BMPR1B: variants seen among roughly 807,000 people sequenced by gnomAD.
The protein encoded by BMPR1B is bone morphogenetic protein receptor type-1B.
In BMPR1B, 12 loss-of-function variants were observed where a neutral mutation model predicts 59.1. That is an observed-to-expected ratio of 0.20 (90% confidence interval 0.13 to 0.33). The LOEUF (loss-of-function observed/expected upper bound fraction) is 0.33, where lower values mean the gene tolerates loss of function less well. BMPR1B is among the 10% of genes least tolerant of loss of function. The probability of loss-of-function intolerance (pLI) is 1.00; values close to 1 mark genes in which losing one functional copy is unlikely to be tolerated. For synonymous variants in BMPR1B, 237 were observed against 207.3 expected (o/e 1.14, Z -1.23); for missense variants, 550 against 610.9 (o/e 0.90, Z 1.05).
At chr4:94,760,009 A>G (rs531054640) in intron 1 of BMPR1B, among the ~76,000 whole-genome samples, 1 of 152,356 alleles carries the variant, frequency 6.6e-6, no homozygotes, top group Admixed American at 6.5e-5. Flanking sequence ...AATCTGAATT[A>G]CCATTTAGAA....
chr4:95,154,462 C>G, intron 12 of BMPR1B, 86 bp from the exon 13 acceptor site: 1 of 1,575,642 alleles, frequency 6.3e-7, no homozygotes, highest in Non-Finnish European at 8.7e-7. Flanking sequence ...TATATTCAAA[C>G]TTAATGAACC....
chr4:95,048,868 G>A lies in BMPR1B; in HGVS notation c.-18+52734G>A, dbSNP rs1247970895. On this transcript the variant is annotated intron_variant, in intron 3 of 12. Transcript: ENST00000515059. The stretch of plus-strand genomic sequence containing the variant: ...GATTTTTTGAACCAAGTAGTCAGGG[G>A]CCTAATATGCCATTTATAGAAGATC... Among the ~76,000 whole-genome samples, 5 of 152,118 alleles carry A rather than the reference G, an allele frequency of 3.3e-5. No homozygotes were observed. In the East Asian group the frequency reaches 9.7e-4, roughly 29 times the overall value.
At chr4:94,822,114 G>A (rs989725079) in intron 1 of BMPR1B, among the ~76,000 whole-genome samples, 10 of 152,196 alleles carry the variant, frequency 6.6e-5, no homozygotes, top group Non-Finnish European at 1.3e-4. Context: ...TTTGGCAAGG[G>A]CCATCTTGCT....
At chr4:94,835,216 A>G (rs562186987) in intron 1 of BMPR1B, among the ~76,000 whole-genome samples, 76 of 152,044 alleles carry the variant, frequency 5.0e-4, no homozygotes, top group African/African-American at 1.8e-3. Context: ...TAATTAAAGA[A>G]CATTTTCAAA....
At chr4:94,894,229 C>T (rs897097873) in intron 2 of BMPR1B, among the ~76,000 whole-genome samples, 2 of 152,034 alleles carry the variant, frequency 1.3e-5, no homozygotes, top group African/African-American at 4.8e-5. Context: ...TTTACAAATA[C>T]ACAAATGGTA....
intron 1 of BMPR1B, among the ~76,000 whole-genome samples, chr4:94,841,281 G>A (rs1489808766): frequency 6.8e-6 from 1 of 146,810 alleles, no homozygotes; most frequent in Non-Finnish European, 1.5e-5. Flanking sequence ...TGAGCTGTGT[G>A]GGCTCCACCC....
intron 2 of BMPR1B, among the ~76,000 whole-genome samples, chr4:94,944,153 G>C (rs1252117896): frequency 6.6e-6 from 1 of 152,026 alleles, no homozygotes; most frequent in Non-Finnish European, 1.5e-5. Flanking sequence ...CCAACCCCAA[G>C]ATTTCTCATA....
chr4:95,031,314 G>C (rs1724833128), intron 3 of BMPR1B, among the ~76,000 whole-genome samples: 2 of 152,146 alleles, frequency 1.3e-5, no homozygotes, highest in Non-Finnish European at 2.9e-5. Flanking sequence ...GCACATTAGA[G>C]AGGAATGTGA....
chr4:94,831,859 T>C (rs762765163), intron 1 of BMPR1B, among the ~76,000 whole-genome samples: 3 of 152,100 alleles, frequency 2.0e-5, no homozygotes, highest in Non-Finnish European at 4.4e-5. Context: ...TCTCATAGGA[T>C]TGCGAACCCT....
intron 3 of BMPR1B, among the ~76,000 whole-genome samples, chr4:95,003,678 ATTTC>A (rs1294004891): frequency 6.6e-6 from 1 of 151,658 alleles, no homozygotes; most frequent in African/African-American, 2.4e-5. Context: ...TGGATGACTT[ATTTC>A]TATTTCCTCT....
intron 3 of BMPR1B, among the ~76,000 whole-genome samples, chr4:94,998,332 G>C (rs1233765685): frequency 1.3e-5 from 2 of 150,598 alleles, no homozygotes; most frequent in Admixed American, 6.6e-5. Flanking sequence ...CACTGCCCTA[G>C]AGTCATATTT....
intron 1 of BMPR1B, among the ~76,000 whole-genome samples, chr4:94,810,104 A>G (rs1723755978): frequency 6.6e-6 from 1 of 152,184 alleles, no homozygotes; most frequent in Non-Finnish European, 1.5e-5. Flanking sequence ...AAGGAGAGAG[A>G]ATTATGTAGG....
At chr4:94,896,149 A>G (rs1727576552) in intron 2 of BMPR1B, among the ~76,000 whole-genome samples, 1 of 152,006 alleles carries the variant, frequency 6.6e-6, no homozygotes, top group South Asian at 2.1e-4. Flanking sequence ...TACTAACTCA[A>G]AGGGTGAAAA....
intron 1 of BMPR1B, among the ~76,000 whole-genome samples, chr4:94,803,006 G>A (rs912898174): frequency 2.6e-5 from 4 of 152,062 alleles, no homozygotes; most frequent in Non-Finnish European, 4.4e-5. Flanking sequence ...CTGGGGCATC[G>A]TTTCTTGTTC....
At chr4:95,143,142 T>C (rs1001216315) in intron 10 of BMPR1B, among the ~76,000 whole-genome samples, 2 of 152,118 alleles carry the variant, frequency 1.3e-5, no homozygotes, top group Non-Finnish European at 2.9e-5. Flanking sequence ...ATGACTTCCC[T>C]CCCACAGTTA....
chr4:95,078,089 A>T (rs1728848491), intron 3 of BMPR1B, among the ~76,000 whole-genome samples: 1 of 152,202 alleles, frequency 6.6e-6, no homozygotes, highest in Non-Finnish European at 1.5e-5. Context: ...ACTTAGCAGT[A>T]CCAGCAGGAA....
chr4:95,123,200 G>A (rs2149290000), intron 6 of BMPR1B, among the ~76,000 whole-genome samples: 1 of 152,130 alleles, frequency 6.6e-6, no homozygotes, highest in Admixed American at 6.6e-5. Flanking sequence ...TTCTTTGGCT[G>A]GAACATATAC....
intron 3 of BMPR1B, among the ~76,000 whole-genome samples, chr4:95,026,904 G>A (rs985432206): frequency 6.6e-6 from 1 of 151,706 alleles, no homozygotes; most frequent in Admixed American, 6.6e-5. Flanking sequence ...GGGACTAAAG[G>A]CATGCCACCA....
intron 1 of BMPR1B, among the ~76,000 whole-genome samples, chr4:94,838,934 C>A (rs922570603): frequency 1.4e-5 from 2 of 138,782 alleles, no homozygotes; most frequent in Admixed American, 7.2e-5. Context: ...GCTTTGAATG[C>A]GTCCCAGAGA....
Sources: gnomAD v4.1 joint callset for allele counts (sites outside exome capture counted in the v4.1 genomes callset) on GRCh38, gnomAD v4.1.1 for gene constraint, MANE v1.5 for transcripts, NCBI Gene and HGNC (gene_info 2026-07-23, HGNC 2026-07-21) for gene names.